LIPE: variants seen among roughly 807,000 people sequenced by gnomAD.
LIPE encodes the protein hormone-sensitive lipase.
In LIPE, 66 loss-of-function variants were observed where a neutral mutation model predicts 88.5. The ratio of observed to expected loss-of-function variants is 0.75; its 90% CI spans 0.61 to 0.91. The LOEUF (loss-of-function observed/expected upper bound fraction) is 0.91, where lower values mean the gene tolerates loss of function less well. Ranked by LOEUF, LIPE falls within the 40% of genes least tolerant of loss-of-function variation. The pLI is 0.00. For synonymous variants in LIPE, 570 were observed against 617.5 expected, an observed-to-expected ratio of 0.92 and a Z score of 1.14; for missense variants, 1,346 against 1,434.7, an observed-to-expected ratio of 0.94 and a Z score of 1.00.
chr19:42,409,016 T>C (rs938568645), intron 2 of LIPE, among the ~76,000 whole-genome samples: 1 of 151,580 alleles, frequency 6.6e-6, no homozygotes, highest in Non-Finnish European at 1.5e-5. Flanking sequence ...GTGCCACTGG[T>C]AGGCTGTGAG....
chr19:42,406,219 G>C lies in LIPE; in HGVS notation c.2307C>G (p.Ser769Arg), dbSNP rs1466654575. Residue 769 changes from serine (S) to arginine (R), a missense_variant, in exon 7 of 10, where the codon AGC (serine) becomes AGG (arginine). Coordinates refer to ENST00000244289, the MANE Select transcript of LIPE (RefSeq NM_005357.4). This position sits in a 1 kb window ranked among gnomAD's most constrained non-coding sequence, Gnocchi z 5.7. The stretch of plus-strand genomic sequence containing the variant: ...TGAGGGGCAGCAAGGGGTCCATGAG[G>C]CTCAGCAGGCGGGAGGGAGAGGCGG... ...QPAASPSRLL[S>R]LMDPLLPLSV... 6.2e-7 allele frequency: 1 copy of C among 1,613,764 alleles called. No individual in the cohort carries two copies. The highest frequency in any genetic ancestry group is 1.3e-5 in the African/African-American group (1 of 74,920).
intron 1 of LIPE, chr19:42,423,939 T>A (rs1370425477): frequency 8.6e-7 from 1 of 1,164,798 alleles, no homozygotes; most frequent in Non-Finnish European, 1.1e-6. Flanking sequence ...CAGGGAGGGA[T>A]GCCCTAGCAC....
intron 1 of LIPE, chr19:42,423,911 C>G: frequency 1.7e-6 from 2 of 1,154,130 alleles, no homozygotes; most frequent in East Asian, 1.4e-4. Flanking sequence ...CTCAGTCTCG[C>G]CATCCCACTC....
rs2039971534 is a variant in LIPE, at chr19:42,401,622, T to C, written c.*190A>G. On this transcript the variant is annotated 3_prime_UTR_variant, in exon 10 of 10. Transcript: ENST00000244289. ...GCAGCAGCAAAAGGCAGCGGTGGCG[T>C]GCAGGTCCAGCCGTCTCGGTGACCG... is the stretch of plus-strand genomic sequence containing the variant. 1 of 540,704 alleles carries C rather than the reference T, an allele frequency of 1.8e-6. No individual in the cohort carries two copies. Among genetic ancestry groups the C allele is most frequent in the South Asian group, 2.6e-5 (1 of 39,038 alleles). The allele number at this position is 540,704 out of a possible 1,614,324, so 33.5% of individuals were successfully genotyped here.
At chr19:42,402,166 G>C in intron 9 of LIPE, 91 bp from the exon 10 acceptor site, 1 of 1,277,974 alleles carries the variant, frequency 7.8e-7, no homozygotes, top group South Asian at 1.6e-5. Flanking sequence ...TGAACAAAGG[G>C]AGCGGGAAAT....
intron 1 of LIPE, among the ~76,000 whole-genome samples, chr19:42,417,021 C>T (rs542233777): frequency 9.1e-4 from 138 of 152,234 alleles, no homozygotes; most frequent in African/African-American, 3.0e-3. Context: ...CCCGGGTTCA[C>T]GCCATTCTCC....
At position 42,405,409 on chromosome 19, in the gene LIPE, G is replaced by T. The variant is rs759332221; in HGVS notation, c.2518C>A (p.Gln840Lys). ...SFLELSGRKS[Q>K]KMSEPIAEPM... is the part of the protein sequence containing the mutation. ...CCTGCTATGGGCTCCGACATCTTCT[G>T]GGACTTGCGCCCACTTAACTCCAGG... Residue 840 changes from glutamine (Q) to lysine (K), a missense_variant, in exon 8 of 10, where the codon CAG becomes AAG. Coordinates refer to ENST00000244289, the MANE Select transcript of LIPE (RefSeq NM_005357.4). The T allele has an allele frequency of 8.1e-6, 13 of 1,613,528 alleles. No individual in the cohort carries two copies. The highest frequency in any genetic ancestry group is 3.3e-5 in the Admixed American group (2 of 59,994).
In LIPE at chr19:42,414,102, C is replaced by A. The variant is rs1600133601; in HGVS notation, c.884-3260G>T. Among the ~76,000 whole-genome samples the A allele has an allele frequency of 6.6e-6, 1 of 152,122 alleles. No individual in the cohort carries two copies. Among genetic ancestry groups the A allele is most frequent in the African/African-American group, 2.4e-5 (1 of 41,420 alleles). On this transcript the variant is annotated intron_variant, in intron 1 of 9. Coordinates refer to ENST00000244289, the MANE Select transcript of LIPE (RefSeq NM_005357.4). The surrounding 1 kb of genome is among the most constrained non-coding windows in gnomAD (Gnocchi z 4.6). ...GACCATCCTGGCCAACATGCTGAAACCCCGTCTCTACTAAAAATACAAAAA... is the reference window on the plus strand; with the variant it reads ...GACCATCCTGGCCAACATGCTGAAAACCCGTCTCTACTAAAAATACAAAAA...
intron 1 of LIPE, chr19:42,424,798 C>T (rs966097080): frequency 3.3e-5 from 12 of 358,342 alleles, no homozygotes; most frequent in Non-Finnish European, 6.6e-5. Flanking sequence ...CCCCCTTCTC[C>T]ATGGCAGGGG....
At chr19:42,424,271 G>C in intron 1 of LIPE, 2 of 499,452 alleles carry the variant, frequency 4.0e-6, no homozygotes, top group South Asian at 3.1e-5. Context: ...GCCGGCCCAA[G>C]AGCGGAGGTA....
chr19:42,410,372 C>A lies in LIPE; in HGVS notation c.1354G>T (p.Asp452Tyr). The stretch of plus-strand genomic sequence containing the variant: ...AGCGTGACATACTCCCGGAGGAAGT[C>A]GGCGGTGAGCCCCTCGTCGCCCTCA... ...FFEGDEGLTA[D>Y]FLREYVTLHK... The change falls in exon 2 of 10, where the codon GAC (aspartate) becomes TAC (tyrosine). Residue 452 changes from aspartate to tyrosine, a missense_variant. Coordinates refer to ENST00000244289, the MANE Select transcript of LIPE (RefSeq NM_005357.4). The surrounding 1 kb of genome is among the most constrained non-coding windows in gnomAD (Gnocchi z 6.1). 1 of 1,613,890 alleles carries A rather than the reference C, an allele frequency of 6.2e-7. No individual in the cohort carries two copies. Among genetic ancestry groups the A allele is most frequent in the Non-Finnish European group, 8.5e-7 (1 of 1,179,876 alleles).
In LIPE at chr19:42,408,093, G is replaced by T; in HGVS notation, c.1539C>A (p.Ser513Arg). Residue 513 changes from serine (S) to arginine (R), a missense_variant, in exon 4 of 10, where the codon AGC (serine) becomes AGA (arginine). By Grantham distance (110) the Ser-to-Arg change is moderately radical. Transcript: ENST00000244289. This position sits in a 1 kb window ranked among gnomAD's most constrained non-coding sequence, Gnocchi z 4.3. ...LSVAASSLFT[S>R]GRFAIDPELR... ...GCTCGGGGTCGATGGCAAAGCGGCC[G>T]CTGGTGAAGAGAGAGCTGGCGGCCA... 6.2e-7 allele frequency: 1 copy of T among 1,613,916 alleles called. No homozygotes were observed. Among genetic ancestry groups the T allele is most frequent in the Non-Finnish European group, 8.5e-7 (1 of 1,179,938 alleles).
chr19:42,423,208 C>T, intron 1 of LIPE: 1 of 304,560 alleles, frequency 3.3e-6, no homozygotes, highest in East Asian at 1.5e-4. Flanking sequence ...CCGATCCGGG[C>T]GTCAGCTAGT....
Position 42,427,193 on chromosome 19 carries a change from C to A in LIPE, c.-44G>T. ...AGATATTGATCTTCCAGGTTCTATCCTTCTGGGCTCCCACCCAGCCCTCTC... is the reference window on the plus strand; with the variant it reads ...AGATATTGATCTTCCAGGTTCTATCATTCTGGGCTCCCACCCAGCCCTCTC... On this transcript the variant is annotated 5_prime_UTR_variant, in exon 1 of 10. The change creates a new upstream start codon in the 5' untranslated region. Transcript: ENST00000244289. 1 of 1,531,650 alleles carries A rather than the reference C, an allele frequency of 6.5e-7. No individual in the cohort carries two copies. The highest frequency in any genetic ancestry group is 1.3e-5 in the South Asian group (1 of 76,352). 94.9% of individuals were successfully genotyped at this position (1,531,650 alleles called of 1,614,324 possible).
chr19:42,410,192 G>A lies in LIPE; in HGVS notation c.1419+115C>T. The A allele has an allele frequency of 2.7e-6, 3 of 1,094,666 alleles. No homozygotes were observed. The highest frequency in any genetic ancestry group is 2.6e-6 in the Non-Finnish European group (2 of 783,412). 67.8% of individuals were successfully genotyped at this position (1,094,666 alleles called of 1,614,324 possible). A position where few individuals can be genotyped will look rare whatever the true frequency, so the allele number is the denominator to read the frequency against. ...CCAACTTCTCCTTTCTGTACCTGCTGTTTGCTGAGTCCGATAATGCTGACC... is the reference window on the plus strand; with the variant it reads ...CCAACTTCTCCTTTCTGTACCTGCTATTTGCTGAGTCCGATAATGCTGACC... On this transcript the variant is annotated intron_variant, in intron 2 of 9. Transcript: ENST00000244289. The surrounding 1 kb of genome is among the most constrained non-coding windows in gnomAD (Gnocchi z 6.1).
chr19:42,422,684 T>C (rs1016210669), intron 1 of LIPE, among the ~76,000 whole-genome samples: 3 of 152,212 alleles, frequency 2.0e-5, no homozygotes, highest in Non-Finnish European at 4.4e-5. Context: ...GCAGCATTTC[T>C]GTTGGTCTGT....
In LIPE at chr19:42,401,881, G is replaced by A; in HGVS notation, c.3162C>T (p.Pro1054=). ...VERIRLVLTP[P]AGAGPSGETG... ...TCTCCCCGCTCGGCCCGGCTCCGGCGGGAGGAGTGAGGACGAGGCGGATGC... is the reference window on the plus strand; with the variant it reads ...TCTCCCCGCTCGGCCCGGCTCCGGCAGGAGGAGTGAGGACGAGGCGGATGC... The change falls in exon 10 of 10, where the codon CCC becomes CCT. Residue 1054 remains proline (P), a synonymous_variant. Coordinates refer to ENST00000244289, the MANE Select transcript of LIPE (RefSeq NM_005357.4). 1.3e-6 allele frequency: 2 copies of A among 1,535,742 alleles called. No individual in the cohort carries two copies. Among genetic ancestry groups the A allele is most frequent in the Non-Finnish European group, 1.7e-6 (2 of 1,146,744 alleles).
At position 42,426,283 on chromosome 19, in the gene LIPE, T is replaced by C; in HGVS notation, c.867A>G (p.Arg289=). Residue 289 remains arginine (R), a synonymous_variant, in exon 1 of 10, where the codon AGA becomes AGG. Transcript: ENST00000244289. ...CACACTCACCTGTATCCTGGTAGTG[T>C]CTGTGATTCCGAGCACTGGTTTTCT... is the stretch of plus-strand genomic sequence containing the variant. ...PHEKTSARNH[R]HYQDTASRLI... The C allele has an allele frequency of 1.2e-6, 2 of 1,601,600 alleles. No individual in the cohort carries two copies. Among genetic ancestry groups the C allele is most frequent in the Non-Finnish European group, 8.6e-7 (1 of 1,169,388 alleles).
intron 1 of LIPE, among the ~76,000 whole-genome samples, chr19:42,417,323 G>A (rs1202195691): frequency 1.3e-5 from 2 of 152,042 alleles, no homozygotes; most frequent in Non-Finnish European, 2.9e-5. Flanking sequence ...GTAGTGGCAC[G>A]ATCATACCTC....
Sources: allele counts gnomAD v4.1 joint callset (sites outside exome capture counted in the v4.1 genomes callset), GRCh38; gene constraint gnomAD v4.1.1; non-coding constraint Gnocchi (gnomAD v3.1); transcripts MANE v1.5; gene names NCBI Gene and HGNC (gene_info 2026-07-23, HGNC 2026-07-21).